CELSR1: variants seen among roughly 807,000 people sequenced by gnomAD.
CELSR1 encodes adhesion G protein-coupled receptor C1.
Under a neutral mutation model 249.1 loss-of-function variants are expected in CELSR1, and 110 were observed. The observed-to-expected ratio is 0.44, with a 90% CI of 0.38 to 0.52. The LOEUF (loss-of-function observed/expected upper bound fraction) is 0.52, where lower values mean the gene tolerates loss of function less well. Among genes scored for constraint, CELSR1 ranks in the 20% least tolerant of loss-of-function variants. The pLI is 0.00. For missense variants in CELSR1, 4,109 were observed against 4,296.4 expected (o/e 0.96, Z 1.22); for synonymous variants, 2,113 against 1,900.0 (o/e 1.11, Z -2.92).
rs552287802 is a variant in CELSR1, at chr22:46,439,195, G to A, written c.4400C>T (p.Ser1467Phe). Residue 1467 changes from serine (S) to phenylalanine (F), a missense_variant, in exon 3 of 35, where the codon TCC becomes TTC. Transcript: ENST00000674500. The stretch of plus-strand genomic sequence containing the variant: ...CGGCGGGACGCACACTCACGTGAGG[G>A]AGATGGTGAAGTGGAAGCGCTGTCT... ...GLRQRFHFTI[S>F]LTFATQERNG... 4 of 1,613,092 alleles carry A rather than the reference G, an allele frequency of 2.5e-6. No individual in the cohort carries two copies. The South Asian group carries it at 4.4e-5, about 18-fold the overall frequency.
chr22:46,438,345 A>G (rs1033991551), intron 3 of CELSR1, among the ~76,000 whole-genome samples: 1 of 152,100 alleles, frequency 6.6e-6, no homozygotes, highest in East Asian at 1.9e-4. Flanking sequence ...CCTGAAACAA[A>G]AGCAGCTAGG....
chr22:46,471,927 C>T lies in CELSR1; in HGVS notation c.3545-7582G>A, dbSNP rs564747183. 2.0e-5 allele frequency among the ~76,000 whole-genome samples: 3 copies of T among 152,286 alleles called. No homozygotes were observed. The highest frequency in any genetic ancestry group is 2.1e-4 in the South Asian group (1 of 4,820). On this transcript the variant is annotated intron_variant, in intron 1 of 34. Transcript: ENST00000674500. This position sits in a 1 kb window ranked among gnomAD's most constrained non-coding sequence, Gnocchi z 4.9. ...CAGGTGATGACGACTTTCTGCCTCA[C>T]GCTGTCCCCCGTGGTTTCATTTCTG...
chr22:46,469,371 G>A (rs1419617013), intron 1 of CELSR1, among the ~76,000 whole-genome samples: 1 of 152,158 alleles, frequency 6.6e-6, no homozygotes, highest in Non-Finnish European at 1.5e-5. Flanking sequence ...CTGGAGCACT[G>A]CCCTCCTTCT....
chr22:46,477,245 T>C (rs1009439703), intron 1 of CELSR1, among the ~76,000 whole-genome samples: 1 of 152,130 alleles, frequency 6.6e-6, no homozygotes, highest in Admixed American at 6.5e-5. Flanking sequence ...CTAAATATCA[T>C]GGGAGAAGCC....
intron 24 of CELSR1, among the ~76,000 whole-genome samples, chr22:46,376,159 A>G (rs1392608567): frequency 1.3e-5 from 2 of 152,234 alleles, no homozygotes; most frequent in Non-Finnish European, 2.9e-5. Flanking sequence ...CTAATCATTA[A>G]TGAGCATAAC....
chr22:46,444,298 T>A (rs543714043), intron 2 of CELSR1, among the ~76,000 whole-genome samples: 4 of 152,334 alleles, frequency 2.6e-5, no homozygotes, highest in Non-Finnish European at 5.9e-5. Context: ...TCTGGAAGGT[T>A]TGAATTTGAA....
In CELSR1 at chr22:46,411,307, G is replaced by C. The variant is rs990238635; in HGVS notation, c.4769+295C>G. On this transcript the variant is annotated intron_variant, in intron 6 of 34. Coordinates refer to ENST00000674500, the MANE Select transcript of CELSR1 (RefSeq NM_001378328.1). The surrounding 1 kb of genome is among the most constrained non-coding windows in gnomAD (Gnocchi z 4.2). ...AGTCCCAGGTACCAGAATTTGCGGG[G>C]ACAAAGCCAGTGATCCGTGGAGATG... 5.3e-5 allele frequency among the ~76,000 whole-genome samples: 8 copies of C among 152,184 alleles called. No homozygotes were observed. The highest frequency in any genetic ancestry group is 5.2e-4 in the Admixed American group (8 of 15,282).
At chr22:46,486,303 C>T (rs1351201889) in intron 1 of CELSR1, among the ~76,000 whole-genome samples, 1 of 151,432 alleles carries the variant, frequency 6.6e-6, no homozygotes, top group Non-Finnish European at 1.5e-5. Flanking sequence ...AATCCCAGCA[C>T]TTTGGGAGGC....
chr22:46,517,375 C>T lies in CELSR1; in HGVS notation c.3544+16252G>A, dbSNP rs541706185. On this transcript the variant is annotated intron_variant, in intron 1 of 34. Transcript: ENST00000674500. This position sits in a 1 kb window ranked among gnomAD's most constrained non-coding sequence, Gnocchi z 5.4. ...GACGGCCGTCCAACACCAAAGCCAC[C>T]GGTTTCCTGCCTACGGGGTCATCCC... Among the ~76,000 whole-genome samples, 5 of 152,244 alleles carry T rather than the reference C, an allele frequency of 3.3e-5. No individual in the cohort carries two copies. Among genetic ancestry groups the T allele is most frequent in the Non-Finnish European group, 4.4e-5 (3 of 68,040 alleles).
rs1230223357 is a variant in CELSR1 at position 46,416,102 on chromosome 22, C to CGGGG, written c.4612-4344_4612-4343insCCCC. ...AGCTGACGATGAATGGTACAGGTTG[C>CGGGG]AGAGGGGGGCGGATAAGGAATGAGA... On this transcript the variant is annotated intron_variant, in intron 5 of 34. Coordinates refer to ENST00000674500, the MANE Select transcript of CELSR1 (RefSeq NM_001378328.1). Among the ~76,000 whole-genome samples the CGGGG allele has an allele frequency of 1.2e-3, 140 of 121,666 alleles. 9 individuals carry two copies. Among genetic ancestry groups the CGGGG allele is most frequent in the African/African-American group, 2.5e-3 (76 of 30,122 alleles). 79.8% of individuals were successfully genotyped at this position (121,666 alleles called of 152,430 possible).
rs370876041 is a variant in CELSR1, at chr22:46,397,008, G to A, written c.5702-262C>T. The stretch of plus-strand genomic sequence containing the variant: ...GGGCCCAGGCTGCCCCAGGACACAT[G>A]GGGAATGGCCACCAGCAGAAGATGA... On this transcript the variant is annotated intron_variant, in intron 12 of 34. Transcript: ENST00000674500. Among the ~76,000 whole-genome samples, 96 of 152,252 alleles carry A rather than the reference G, an allele frequency of 6.3e-4. 3 individuals are homozygous for A. In the East Asian group the frequency reaches 0.014, roughly 22 times the overall value.
intron 24 of CELSR1, among the ~76,000 whole-genome samples, chr22:46,375,266 C>A (rs191252572): frequency 1.6e-3 from 243 of 152,282 alleles, no homozygotes; most frequent in South Asian, 2.9e-3. Flanking sequence ...CTGGCTCATG[C>A]GCCACACCTT....
intron 32 of CELSR1, 128 bp downstream of exon 32, chr22:46,365,103 G>T: frequency 7.7e-7 from 1 of 1,307,108 alleles, no homozygotes; most frequent in Non-Finnish European, 1.0e-6. Flanking sequence ...CCCACCCCAG[G>T]CTGTCCTTTC....
chr22:46,521,522 T>C (rs980630975), intron 1 of CELSR1, among the ~76,000 whole-genome samples: 1 of 148,992 alleles, frequency 6.7e-6, no homozygotes, highest in Non-Finnish European at 1.5e-5. Context: ...AAAAAGATCT[T>C]GTTTTCAGTC....
chr22:46,384,610 C>T lies in CELSR1; in HGVS notation c.6816G>A (p.Glu2272=). 1 of 1,613,776 alleles carries T rather than the reference C, an allele frequency of 6.2e-7. No individual in the cohort carries two copies. Among genetic ancestry groups the T allele is most frequent in the Non-Finnish European group, 8.5e-7 (1 of 1,179,900 alleles). ...RVPRFDTIHE[E]FPRELESSVS... Reference sequence around the variant, plus strand: ...CGGAGGACTCCAGCTCCCTGGGGAACTCTTCATGGATGGTGTCGAATCGCG... The same window carrying T: ...CGGAGGACTCCAGCTCCCTGGGGAATTCTTCATGGATGGTGTCGAATCGCG... Residue 2272 remains glutamate, a synonymous_variant, in exon 20 of 35, where the codon GAG becomes GAA. Transcript: ENST00000674500.
Position 46,363,381 on chromosome 22 carries a change from G to A in CELSR1, c.9036-134C>T, listed in dbSNP as rs1382030887. On this transcript the variant is annotated intron_variant, in intron 34 of 34. Coordinates refer to ENST00000674500, the MANE Select transcript of CELSR1 (RefSeq NM_001378328.1). The surrounding 1 kb of genome is among the most constrained non-coding windows in gnomAD (Gnocchi z 4.3). The stretch of plus-strand genomic sequence containing the variant: ...GGGGGCGTCTGGGGGCTCCAGGGAG[G>A]GCAAGCTCATGTTGGATGAGGCTGC... The A allele has an allele frequency of 2.8e-6, 2 of 705,626 alleles. No homozygotes were observed. The highest frequency in any genetic ancestry group is 5.0e-5 in the Admixed American group (2 of 39,934). The allele number at this position is 705,626 out of a possible 1,614,324, so 43.7% of individuals were successfully genotyped here. A position where few individuals can be genotyped will look rare whatever the true frequency, so the allele number is the denominator to read the frequency against.
At chr22:46,502,287 G>A (rs1457371768) in intron 1 of CELSR1, among the ~76,000 whole-genome samples, 2 of 115,128 alleles carry the variant, frequency 1.7e-5, no homozygotes, top group African/African-American at 6.7e-5. Context: ...AAGGGAAGGG[G>A]AAGGGAGGGT....
Position 46,364,694 on chromosome 22 carries a change from T to C in CELSR1, c.8597A>G (p.Gln2866Arg). 6.2e-7 allele frequency: 1 copy of C among 1,612,546 alleles called. No individual in the cohort carries two copies. Among genetic ancestry groups the C allele is most frequent in the Admixed American group, 1.7e-5 (1 of 60,002 alleles). Residue 2866 changes from glutamine (Q) to arginine (R), a missense_variant, in exon 33 of 35, where the codon CAG (glutamine) becomes CGG (arginine). Gln to Arg is a conservative substitution (Grantham distance 43, BLOSUM62 1). Coordinates refer to ENST00000674500, the MANE Select transcript of CELSR1 (RefSeq NM_001378328.1). The stretch of plus-strand genomic sequence containing the variant: ...CTCACTGTCACTCTCAGCCAGGCTC[T>C]GGTCGGGCCAGCCGGCCGGAACGTG... ...ANHVPAGWPDQSLAESDSEDP... is the reference protein window; with the variant it reads ...ANHVPAGWPDRSLAESDSEDP...
rs931590120 is a variant in CELSR1 at position 46,437,827 on chromosome 22, C to T, written c.4406+1362G>A. On this transcript the variant is annotated intron_variant, in intron 3 of 34. Coordinates refer to ENST00000674500, the MANE Select transcript of CELSR1 (RefSeq NM_001378328.1). This position sits in a 1 kb window ranked among gnomAD's most constrained non-coding sequence, Gnocchi z 4.9. ...TCTTTAGAATGCAAGCAAGAAATGA[C>T]GACAAACACAAAGAAGAATACCCAC... Among the ~76,000 whole-genome samples, 5 of 151,834 alleles carry T rather than the reference C, an allele frequency of 3.3e-5. No individual in the cohort carries two copies. The highest frequency in any genetic ancestry group is 9.7e-5 in the African/African-American group (4 of 41,254).
Sources: gnomAD v4.1 joint callset for allele counts (sites outside exome capture counted in the v4.1 genomes callset) on GRCh38, gnomAD v4.1.1 for gene constraint, Gnocchi (gnomAD v3.1) non-coding constraint, MANE v1.5 for transcripts, NCBI Gene and HGNC (gene_info 2026-07-23, HGNC 2026-07-21) for gene names.